VPS4B: variants seen among roughly 807,000 people sequenced by gnomAD.
VPS4B encodes the protein vacuolar protein sorting-associated protein 4B.
VPS4B carries 23 observed loss-of-function variants against 56.1 expected under a neutral mutation model. The ratio of observed to expected loss-of-function variants is 0.41; its 90% CI spans 0.30 to 0.58. The LOEUF (loss-of-function observed/expected upper bound fraction) is 0.58. VPS4B is among the 20% of genes least tolerant of loss of function. VPS4B has a pLI of 0.29. For missense variants in VPS4B, 372 were observed against 531.9 expected (o/e 0.70, Z 2.96); for synonymous variants, 177 against 186.0 (o/e 0.95, Z 0.39).
intron 7 of VPS4B, 51 bp from the exon 8 acceptor site, chr18:63,399,374 T>G (rs1160314020): frequency 6.7e-7 from 1 of 1,502,052 alleles, no homozygotes. Flanking sequence ...TGGTGTTCTT[T>G]AAACTTCTTC....
At chr18:63,411,355 T>A (rs1435666879) in intron 2 of VPS4B, 112 bp downstream of exon 2, 6 of 755,446 alleles carry the variant, frequency 7.9e-6, no homozygotes, top group Non-Finnish European at 7.4e-6. Flanking sequence ...TTTTTTTTTT[T>A]AACAAATGGA....
At position 63,393,566 on chromosome 18, in the gene VPS4B, T is replaced by A. The variant is rs201996719; in HGVS notation, c.1093-17A>T. ...TCCGCGAACCTGAAATAAACAGTAA[T>A]CTGAAATATGTATTTGAAACAAAAT... On this transcript the variant is annotated splice_polypyrimidine_tract_variant and intron_variant, in intron 9 of 10. Coordinates refer to ENST00000238497, the MANE Select transcript of VPS4B (RefSeq NM_004869.4). 7.5e-5 allele frequency: 116 copies of A among 1,554,902 alleles called. No homozygotes were observed. The highest frequency in any genetic ancestry group is 1.0e-4 in the Admixed American group (5 of 49,814).
chr18:63,391,607 C>T (rs1599353472), intron 10 of VPS4B, among the ~76,000 whole-genome samples: 2 of 152,200 alleles, frequency 1.3e-5, no homozygotes, highest in Non-Finnish European at 2.9e-5. Flanking sequence ...TTCCCCTGAA[C>T]TGATCAAATG....
In VPS4B at chr18:63,393,473, C is replaced by T; in HGVS notation, c.1169G>A (p.Gly390Asp). ...LLTPCSPGDP[G>D]AIEMTWMDVP... ...ATCCATCCATGTCATTTCAATGGCA[C>T]CAGGGTCACCTGGAGAGCAAGGTGT... The change falls in exon 10 of 11, where the codon GGT (glycine) becomes GAT (aspartate). Residue 390 changes from glycine to aspartate, a missense_variant. Coordinates refer to ENST00000238497, the MANE Select transcript of VPS4B (RefSeq NM_004869.4). 6.2e-7 allele frequency: 1 copy of T among 1,612,720 alleles called. No homozygotes were observed. Among genetic ancestry groups the T allele is most frequent in the Non-Finnish European group, 8.5e-7 (1 of 1,179,356 alleles).
At position 63,390,987 on chromosome 18, in the gene VPS4B, A is replaced by C. The variant is rs779580296; in HGVS notation, c.1323T>G (p.Gly441=). 3.1e-6 allele frequency: 5 copies of C among 1,611,528 alleles called. No homozygotes were observed. In the South Asian group the frequency reaches 5.5e-5, roughly 18 times the overall value. Residue 441 remains glycine, a synonymous_variant, in exon 11 of 11, where the codon GGT becomes GGG. Transcript: ENST00000238497. ...CCTTGTCTTTGGCTTAGCCTTCTTG[A>C]CCAAAATCTTCTGTAAACTTCTTTA... The part of the protein sequence containing the change: ...LKLKKFTEDF[G]QEG
intron 1 of VPS4B, among the ~76,000 whole-genome samples, chr18:63,420,023 C>A (rs1314327679): frequency 6.6e-6 from 1 of 152,170 alleles, no homozygotes; most frequent in Non-Finnish European, 1.5e-5. Context: ...TGAGAAAGCA[C>A]ACATGTGAAC....
chr18:63,415,960 T>A, intron 1 of VPS4B: 1 of 220,766 alleles, frequency 4.5e-6, no homozygotes, highest in Non-Finnish European at 9.6e-6. Flanking sequence ...CTTGGAATGC[T>A]TAACAGGCTG....
intron 2 of VPS4B, 72 bp from the exon 3 acceptor site, chr18:63,410,518 G>GT: frequency 6.4e-7 from 1 of 1,554,008 alleles, no homozygotes; most frequent in Non-Finnish European, 8.7e-7. Context: ...TCTTAAATAT[G>GT]TATTTTTTCA....
At chr18:63,413,726 ATCAT>A (rs1452660493) in intron 1 of VPS4B, among the ~76,000 whole-genome samples, 2 of 152,150 alleles carry the variant, frequency 1.3e-5, no homozygotes, top group Non-Finnish European at 2.9e-5. Flanking sequence ...TAAGCAAAAA[ATCAT>A]TCAAACAATG....
intron 1 of VPS4B, chr18:63,415,873 AAC>A (rs1334214445): frequency 5.1e-6 from 1 of 197,320 alleles, no homozygotes; most frequent in African/African-American, 2.4e-5. Context: ...AGCCTAGGCA[AAC>A]AGTGTCTTCC....
chr18:63,412,958 G>A (rs928057542), intron 1 of VPS4B, among the ~76,000 whole-genome samples: 1 of 152,112 alleles, frequency 6.6e-6, no homozygotes, highest in Non-Finnish European at 1.5e-5. Context: ...TTTGCTCTCT[G>A]GAAGATTTTG....
intron 1 of VPS4B, among the ~76,000 whole-genome samples, chr18:63,412,098 G>C (rs1188360175): frequency 6.6e-6 from 1 of 152,080 alleles, no homozygotes; most frequent in African/African-American, 2.4e-5. Flanking sequence ...TAACTAAAAG[G>C]TTTACTGAGC....
intron 1 of VPS4B, among the ~76,000 whole-genome samples, chr18:63,412,288 T>C (rs1916060981): frequency 1.3e-5 from 2 of 152,190 alleles, no homozygotes; most frequent in Admixed American, 6.5e-5. Context: ...ACTTTTTATA[T>C]GTAGCAGGAA....
chr18:63,406,043 T>G (rs1326864825), intron 4 of VPS4B, among the ~76,000 whole-genome samples: 5 of 151,882 alleles, frequency 3.3e-5, no homozygotes, highest in African/African-American at 1.2e-4. Context: ...GATATGCAAC[T>G]GATTTTTACC....
At chr18:63,398,847 A>C (rs1458539065) in intron 8 of VPS4B, among the ~76,000 whole-genome samples, 1 of 152,002 alleles carries the variant, frequency 6.6e-6, no homozygotes, top group African/African-American at 2.4e-5. Context: ...AAAAAAAAAA[A>C]AATCTTACCT....
intron 10 of VPS4B, among the ~76,000 whole-genome samples, chr18:63,392,819 C>T (rs1039039629): frequency 3.3e-5 from 5 of 151,332 alleles, no homozygotes; most frequent in African/African-American, 9.7e-5. Flanking sequence ...TGTGCAATCT[C>T]GGCTCACTGC....
chr18:63,417,530 C>G (rs1916196217), intron 1 of VPS4B, among the ~76,000 whole-genome samples: 1 of 152,162 alleles, frequency 6.6e-6, no homozygotes. Context: ...TTCTTCCTCT[C>G]TTATGTGACA....
At chr18:63,421,488 C>T (rs572781825) in intron 1 of VPS4B, among the ~76,000 whole-genome samples, 80 of 152,310 alleles carry the variant, frequency 5.3e-4, no homozygotes, top group African/African-American at 1.9e-3. Context: ...ACATTACATT[C>T]TAAACGCCAC....
chr18:63,396,016 T>C lies in VPS4B; in HGVS notation c.1092+1018A>G, dbSNP rs145019828. On this transcript the variant is annotated intron_variant, in intron 9 of 10. Coordinates refer to ENST00000238497, the MANE Select transcript of VPS4B (RefSeq NM_004869.4). ...TGATTTTTGTGAAGACCAAATGAAATAGTAAGATAAAAGACAGAACACAGT... is the reference window on the plus strand; with the variant it reads ...TGATTTTTGTGAAGACCAAATGAAACAGTAAGATAAAAGACAGAACACAGT... 4.0e-3 allele frequency among the ~76,000 whole-genome samples: 615 copies of C among 152,220 alleles called. 11 individuals are homozygous for C. The highest frequency in any genetic ancestry group is 0.03 in the Admixed American group (460 of 15,286).
Sources: allele counts gnomAD v4.1 joint callset (sites outside exome capture counted in the v4.1 genomes callset), GRCh38; gene constraint gnomAD v4.1.1; transcripts MANE v1.5; gene names NCBI Gene and HGNC (gene_info 2026-07-23, HGNC 2026-07-21).